MOCOS: variants seen among roughly 807,000 people sequenced by gnomAD.
MOCOS encodes the protein human molybdenum cofactor sulfurase.
In MOCOS, 86 loss-of-function variants were observed where a neutral mutation model predicts 83.6. The ratio of observed to expected loss-of-function variants is 1.03; its 90% confidence interval spans 0.86 to 1.23. The LOEUF is 1.23. Among genes scored for constraint, MOCOS ranks in the 50% most tolerant of loss-of-function variants. MOCOS has a pLI of 0.00. For synonymous variants in MOCOS, 445 were observed against 434.7 expected (o/e 1.02, Z -0.29); for missense variants, 1,120 against 1,126.9 (o/e 0.99, Z 0.09).
chr18:36,239,789 G>C (rs1359348878), intron 9 of MOCOS, among the ~76,000 whole-genome samples: 1 of 149,556 alleles, frequency 6.7e-6, no homozygotes, highest in Non-Finnish European at 1.5e-5. Flanking sequence ...ACGTAGATTT[G>C]GTCTTTTCAC....
chr18:36,197,051 A>T (rs1011280960), intron 2 of MOCOS, among the ~76,000 whole-genome samples: 1 of 152,092 alleles, frequency 6.6e-6, no homozygotes, highest in African/African-American at 2.4e-5. Flanking sequence ...TTTGGTGAGG[A>T]CACCAGGAAG....
chr18:36,257,642 A>G (rs1598594517), intron 12 of MOCOS, among the ~76,000 whole-genome samples: 1 of 152,212 alleles, frequency 6.6e-6, no homozygotes, highest in East Asian at 1.9e-4. Context: ...GGTTGGGCCA[A>G]CCCTCTCGTT....
chr18:36,221,334 A>G (rs1054838175), intron 9 of MOCOS, among the ~76,000 whole-genome samples: 16 of 152,320 alleles, frequency 1.1e-4, no homozygotes, highest in Non-Finnish European at 1.9e-4. Flanking sequence ...ATTTTAGCAA[A>G]TCTTAACATT....
intron 9 of MOCOS, among the ~76,000 whole-genome samples, chr18:36,238,515 C>A (rs1489238909): frequency 2.0e-5 from 3 of 148,604 alleles, no homozygotes; most frequent in Non-Finnish European, 3.0e-5. Context: ...GTTATAATTT[C>A]TGTTCTTTTA....
intron 14 of MOCOS, among the ~76,000 whole-genome samples, chr18:36,267,953 G>A (rs1242234140): frequency 6.6e-6 from 1 of 152,134 alleles, no homozygotes; most frequent in Non-Finnish European, 1.5e-5. Flanking sequence ...GGAACATGAG[G>A]GTGTCCAACA....
At chr18:36,266,687 T>A (rs2091683005) in intron 13 of MOCOS, 62 bp from the exon 14 acceptor site, 1 of 1,415,376 alleles carries the variant, frequency 7.1e-7, no homozygotes, top group African/African-American at 1.4e-5. Context: ...GATTCCTCCC[T>A]CTGAGGTGCA....
chr18:36,215,558 C>T lies in MOCOS; in HGVS notation c.1378C>T (p.Gln460Ter), dbSNP rs1157392648. The T allele has an allele frequency of 6.2e-7, 1 of 1,614,162 alleles. No homozygotes were observed. The highest frequency in any genetic ancestry group is 2.2e-5 in the East Asian group (1 of 44,880). The change falls in exon 8 of 15, where the codon CAG becomes TAG. Residue 460 changes from glutamine (Q) to a stop codon, truncating the protein, a stop_gained. Coordinates refer to ENST00000261326, the MANE Select transcript of MOCOS (RefSeq NM_017947.4). LOFTEE classifies it high-confidence loss of function. The part of the protein sequence containing the change: ...CGDNMDLIDG[Q>*]PTGSVRISFG... ...GGACAATATGGACCTCATAGATGGG[C>T]AGCCCACAGGATCTGTGAGGATTTC...
intron 13 of MOCOS, among the ~76,000 whole-genome samples, 195 bp from the exon 14 acceptor site, chr18:36,266,554 C>T (rs1284200821): frequency 6.6e-6 from 1 of 152,110 alleles, no homozygotes; most frequent in African/African-American, 2.4e-5. Context: ...TTTTCTTTGT[C>T]TGCAAAGACC....
intron 9 of MOCOS, among the ~76,000 whole-genome samples, chr18:36,232,647 A>G (rs2091542559): frequency 6.6e-6 from 1 of 151,984 alleles, no homozygotes; most frequent in Non-Finnish European, 1.5e-5. Context: ...CCCCTTCTTT[A>G]TCCTACCCGT....
chr18:36,257,029 C>G lies in MOCOS; in HGVS notation c.2226C>G (p.Ile742Met). Residue 742 changes from isoleucine (I) to methionine (M), a missense_variant, in exon 12 of 15, where the codon ATC becomes ATG. Physicochemically the swap from Ile to Met is conservative, Grantham distance 10. Transcript: ENST00000261326. ...SLVNEAQYLL[I>M]NTSSILELHR... is the part of the protein sequence containing the mutation. Reference sequence around the variant, plus strand: ...TGAATGAGGCACAGTATCTGCTGATCAACACATCCAGTATTTTGGAACTTC... The same window carrying G: ...TGAATGAGGCACAGTATCTGCTGATGAACACATCCAGTATTTTGGAACTTC... 6.2e-7 allele frequency: 1 copy of G among 1,614,138 alleles called. No individual in the cohort carries two copies. Among genetic ancestry groups the G allele is most frequent in the East Asian group, 2.2e-5 (1 of 44,880 alleles).
chr18:36,199,182 T>G (rs1230131930), intron 3 of MOCOS, among the ~76,000 whole-genome samples: 1 of 152,222 alleles, frequency 6.6e-6, no homozygotes, highest in African/African-American at 2.4e-5. Flanking sequence ...AGTATTTGTA[T>G]GTTAAACAGC....
chr18:36,238,885 G>T (rs1256120448), intron 9 of MOCOS, among the ~76,000 whole-genome samples: 3 of 143,570 alleles, frequency 2.1e-5, no homozygotes, highest in Non-Finnish European at 3.1e-5. Context: ...TTACCATTAT[G>T]TAATGGCCTT....
chr18:36,237,585 A>C (rs2091564284), intron 9 of MOCOS, among the ~76,000 whole-genome samples: 1 of 152,098 alleles, frequency 6.6e-6, no homozygotes, highest in African/African-American at 2.4e-5. Context: ...ATATTGGTCT[A>C]AAATTCTCTT....
In MOCOS at chr18:36,200,225, C is replaced by A. The variant is rs150272391; in HGVS notation, c.842C>A (p.Ala281Glu). Residue 281 changes from alanine to glutamate, a missense_variant, in exon 4 of 15, where the codon GCG becomes GAG. Physicochemically the swap from Ala to Glu is moderately radical, Grantham distance 107. Transcript: ENST00000261326. ...GLGALLVHNR[A>E]APLLRKTYFG... is the part of the protein sequence containing the mutation. ...GGCGCTCTGCTGGTCCATAATCGTG[C>A]GGCTCCTCTACTGAGGAAGACCTAC... 3 of 1,614,038 alleles carry A rather than the reference C, an allele frequency of 1.9e-6. No homozygotes were observed. Among genetic ancestry groups the A allele is most frequent in the East Asian group, 4.5e-5 (2 of 44,894 alleles).
At chr18:36,238,383 C>T (rs1235905281) in intron 9 of MOCOS, among the ~76,000 whole-genome samples, 4 of 150,736 alleles carry the variant, frequency 2.7e-5, no homozygotes, top group South Asian at 4.2e-4. Context: ...GCCTTCATTT[C>T]GTTATGTACC....
At chr18:36,241,719 C>T (rs965696071) in intron 9 of MOCOS, among the ~76,000 whole-genome samples, 1 of 152,252 alleles carries the variant, frequency 6.6e-6, no homozygotes, top group Non-Finnish European at 1.5e-5. Context: ...GTGCAGACTT[C>T]TGTCTGGATA....
At chr18:36,229,960 G>C (rs1278950619) in intron 9 of MOCOS, among the ~76,000 whole-genome samples, 1 of 151,914 alleles carries the variant, frequency 6.6e-6, no homozygotes, top group East Asian at 1.9e-4. Flanking sequence ...CTCTCTGTCA[G>C]GTAAACCATA....
chr18:36,218,943 A>T (rs28496974), intron 8 of MOCOS, among the ~76,000 whole-genome samples: 1 of 150,308 alleles, frequency 6.7e-6, no homozygotes, highest in Admixed American at 6.6e-5. Context: ...ATCTTGGCTC[A>T]CTGCAAGCTC....
chr18:36,263,454 A>T (rs1454193668), intron 13 of MOCOS, among the ~76,000 whole-genome samples: 1 of 152,248 alleles, frequency 6.6e-6, no homozygotes, highest in Admixed American at 6.5e-5. Context: ...TGCAAGGATG[A>T]GGTGGCTTTC....
Sources: allele counts gnomAD v4.1 joint callset (sites outside exome capture counted in the v4.1 genomes callset), GRCh38; gene constraint gnomAD v4.1.1; transcripts MANE v1.5; gene names NCBI Gene and HGNC (gene_info 2026-07-23, HGNC 2026-07-21).